GLIS3: variants seen among roughly 807,000 people sequenced by gnomAD.
The protein encoded by GLIS3 is zinc finger protein GLIS3.
In GLIS3, 53 loss-of-function variants were observed where a neutral mutation model predicts 78.6. That is an observed-to-expected ratio of 0.67 (90% CI 0.54 to 0.85). GLIS3 has a LOEUF of 0.85. Ranked by LOEUF, GLIS3 falls within the 40% of genes least tolerant of loss-of-function variation. The pLI is 0.00. For synonymous variants in GLIS3, 684 were observed against 509.9 expected, an observed-to-expected ratio of 1.34 and a Z score of -4.60; for missense variants, 1,703 against 1,231.1, an observed-to-expected ratio of 1.38 and a Z score of -5.74.
the GLIS3 span, among the ~76,000 whole-genome samples, chr9:4,388,525 A>G: frequency 2.0e-5 from 3 of 151,754 alleles, no homozygotes; most frequent in African/African-American, 7.3e-5. Context: ...AAAATACAAA[A>G]ATTAGCCAGG....
intron 6 of GLIS3, among the ~76,000 whole-genome samples, chr9:3,913,672 T>A (rs2130695031): frequency 6.6e-6 from 1 of 152,354 alleles, no homozygotes; most frequent in East Asian, 1.9e-4. Context: ...AGCCTTTCCA[T>A]TCCAAAGTAA....
chr9:4,450,151 A>C, the GLIS3 span, among the ~76,000 whole-genome samples: 1 of 152,226 alleles, frequency 6.6e-6, no homozygotes, highest in African/African-American at 2.4e-5. Context: ...AGAAGACCTT[A>C]AGTGACCTGA....
intron 2 of GLIS3, among the ~76,000 whole-genome samples, chr9:4,191,585 C>G (rs10117871): frequency 6.6e-6 from 1 of 152,216 alleles, no homozygotes; most frequent in Non-Finnish European, 1.5e-5. Context: ...CCTCTTCAAA[C>G]TTCCTTTCAT....
chr9:4,148,089 A>G (rs1048009595), intron 2 of GLIS3, among the ~76,000 whole-genome samples: 1 of 152,166 alleles, frequency 6.6e-6, no homozygotes, highest in African/African-American at 2.4e-5. Flanking sequence ...TTGCATAGGA[A>G]AGAGTAAGTT....
chr9:4,470,794 G>A, the GLIS3 span, among the ~76,000 whole-genome samples: 1 of 150,470 alleles, frequency 6.6e-6, no homozygotes, highest in East Asian at 2.0e-4. Context: ...TATTCAATTA[G>A]GAAAAGAGGA....
intron 8 of GLIS3, among the ~76,000 whole-genome samples, chr9:3,874,569 C>T (rs1362777649): frequency 2.0e-5 from 3 of 152,156 alleles, no homozygotes; most frequent in South Asian, 2.1e-4. Context: ...CCAGGTCTTG[C>T]AACTGGCATC....
intron 2 of GLIS3, among the ~76,000 whole-genome samples, chr9:4,314,147 T>C (rs1209193921): frequency 6.6e-6 from 1 of 152,222 alleles, no homozygotes; most frequent in Non-Finnish European, 1.5e-5. Flanking sequence ...ATAGTACTTA[T>C]CTCATAGGAT....
intron 2 of GLIS3, among the ~76,000 whole-genome samples, chr9:4,314,494 C>A: frequency 6.6e-6 from 1 of 152,226 alleles, no homozygotes; most frequent in East Asian, 1.9e-4. Context: ...CCATTTAAGG[C>A]AGTCTAGAAC....
chr9:4,413,329 T>A, the GLIS3 span, among the ~76,000 whole-genome samples: 5 of 152,220 alleles, frequency 3.3e-5, no homozygotes, highest in Non-Finnish European at 7.3e-5. Context: ...TTAATATGAC[T>A]GTAAGAAGTG....
intron 1 of GLIS3, among the ~76,000 whole-genome samples, chr9:4,290,015 T>C (rs1456205501): frequency 6.6e-6 from 1 of 152,132 alleles, no homozygotes; most frequent in Non-Finnish European, 1.5e-5. Context: ...CTCCAGGCAC[T>C]GCTCATCATG....
At chr9:4,430,747 A>C in the GLIS3 span, among the ~76,000 whole-genome samples, 1 of 152,210 alleles carries the variant, frequency 6.6e-6, no homozygotes, top group Admixed American at 6.5e-5. Context: ...CCTTTCAAAA[A>C]AAAAATACAA....
intron 2 of GLIS3, among the ~76,000 whole-genome samples, chr9:4,336,096 C>T (rs1817752293): frequency 6.6e-6 from 1 of 152,144 alleles, no homozygotes; most frequent in African/African-American, 2.4e-5. Context: ...TACCCATAAG[C>T]CACATGGCAT....
At chr9:3,869,607 G>A (rs939569903) in intron 8 of GLIS3, among the ~76,000 whole-genome samples, 6 of 152,204 alleles carry the variant, frequency 3.9e-5, no homozygotes, top group South Asian at 2.1e-4. Flanking sequence ...TACGGCTACT[G>A]CCCTTCTGAT....
At chr9:4,294,827 TCA>T (rs1816339963) in intron 1 of GLIS3, among the ~76,000 whole-genome samples, 1 of 152,238 alleles carries the variant, frequency 6.6e-6, no homozygotes, top group Admixed American at 6.5e-5. Context: ...ATCTATATAT[TCA>T]CATACATTTA....
chr9:4,416,233 G>C, the GLIS3 span, among the ~76,000 whole-genome samples: 2 of 114,966 alleles, frequency 1.7e-5, no homozygotes, highest in African/African-American at 3.4e-5. Context: ...GCCTGAGTGA[G>C]AGAGTGAGAC....
intron 2 of GLIS3, among the ~76,000 whole-genome samples, chr9:4,159,278 G>A (rs1202329098): frequency 6.6e-6 from 1 of 152,198 alleles, no homozygotes; most frequent in Admixed American, 6.5e-5. Flanking sequence ...ACACTGGAGA[G>A]TTTTCTCGCA....
At chr9:4,195,661 G>C (rs1818763174) in intron 2 of GLIS3, among the ~76,000 whole-genome samples, 2 of 152,398 alleles carry the variant, frequency 1.3e-5, no homozygotes, top group South Asian at 4.1e-4. Context: ...GACCGCCCAA[G>C]GGCTATGGCA....
In GLIS3 at chr9:3,879,441, G is replaced by A. The variant is rs202217571; in HGVS notation, c.2283C>T (p.Asp761=). ...GATGGCCTTACCTCTCAGCTCCTGC[G>A]TCCACAGCTGTGAGTGGAGGTAACT... ...SSQLPPLTAV[D]AGAERFAPSA... is the part of the protein sequence containing the mutation. Residue 761 remains aspartate, a synonymous_variant, in exon 8 of 11, where the codon GAC becomes GAT. Transcript: ENST00000381971. 3.4e-5 allele frequency: 55 copies of A among 1,614,050 alleles called. No individual in the cohort carries two copies. The East Asian group carries it at 4.7e-4, about 14-fold the overall frequency.
chr9:3,849,441 G>A lies in GLIS3; in HGVS notation c.2473+6568C>T, dbSNP rs149316438. On this transcript the variant is annotated intron_variant, in intron 9 of 10. Coordinates refer to ENST00000381971, the MANE Select transcript of GLIS3 (RefSeq NM_001042413.2). Reference sequence around the variant, plus strand: ...CGCTTGTCCTTTACTCTTCACCCTCGTCTCTGCCTGAAACTGGGACAAGAT... The same window carrying A: ...CGCTTGTCCTTTACTCTTCACCCTCATCTCTGCCTGAAACTGGGACAAGAT... 5.3e-5 allele frequency among the ~76,000 whole-genome samples: 8 copies of A among 152,246 alleles called. No individual in the cohort carries two copies. In the East Asian group the frequency reaches 9.6e-4, roughly 18 times the overall value.
Sources: gnomAD v4.1 joint callset for allele counts (sites outside exome capture counted in the v4.1 genomes callset) on GRCh38, gnomAD v4.1.1 for gene constraint, MANE v1.5 for transcripts, NCBI Gene and HGNC (gene_info 2026-07-23, HGNC 2026-07-21) for gene names.